The following JMJD1C variants were observed in gnomAD, a reference collection of about 807,000 sequenced individuals.
JMJD1C encodes the protein jumonji domain-containing protein 1C.
Under a neutral mutation model 245.3 loss-of-function variants are expected in JMJD1C, and 31 were observed. The observed-to-expected ratio is 0.13, with a 90% CI of 0.09 to 0.17. JMJD1C has a LOEUF of 0.17. Among genes scored for constraint, JMJD1C ranks in the 10% least tolerant of loss-of-function variants. The pLI is 1.00. For synonymous variants in JMJD1C, 1,057 were observed against 1,017.4 expected (o/e 1.04, Z -0.74); for missense variants, 2,691 against 3,000.2 (o/e 0.90, Z 2.41).
At chr10:63,313,533 A>T (rs1410431565) in intron 2 of JMJD1C, among the ~76,000 whole-genome samples, 1 of 152,184 alleles carries the variant, frequency 6.6e-6, no homozygotes, top group Non-Finnish European at 1.5e-5. Flanking sequence ...TGTCCATATT[A>T]GTCATACTAG....
chr10:63,327,666 G>C (rs925899163), intron 2 of JMJD1C, among the ~76,000 whole-genome samples: 8 of 149,460 alleles, frequency 5.4e-5, no homozygotes, highest in African/African-American at 2.0e-4. Context: ...AGGGTACACA[G>C]AAAAAATTTT....
chr10:63,199,163 T>C (rs1364301159), intron 11 of JMJD1C, among the ~76,000 whole-genome samples: 1 of 152,156 alleles, frequency 6.6e-6, no homozygotes. Flanking sequence ...TATATTTTCA[T>C]TAATTAGACT....
chr10:63,319,076 T>C (rs1454712656), intron 2 of JMJD1C, among the ~76,000 whole-genome samples: 3 of 151,816 alleles, frequency 2.0e-5, no homozygotes, highest in Admixed American at 1.3e-4. Context: ...CTGACTAACA[T>C]GGTGAAACAC....
At chr10:63,459,673 G>A (rs934255058) in intron 1 of JMJD1C, among the ~76,000 whole-genome samples, 2 of 152,070 alleles carry the variant, frequency 1.3e-5, no homozygotes, top group African/African-American at 2.4e-5. Context: ...AGACTCTAAC[G>A]TCTGAACACC....
chr10:63,268,815 C>T, intron 2 of JMJD1C: 3 of 985,720 alleles, frequency 3.0e-6, no homozygotes, highest in Non-Finnish European at 3.6e-6. Flanking sequence ...AGGCAAATGG[C>T]TCTCAAACCA....
At chr10:63,244,307 C>A (rs1417079708) in intron 3 of JMJD1C, among the ~76,000 whole-genome samples, 1 of 152,160 alleles carries the variant, frequency 6.6e-6, no homozygotes, top group East Asian at 1.9e-4. Flanking sequence ...GGACTCCTGG[C>A]ACTCCTGACT....
Position 63,214,042 on chromosome 10 carries a change from C to T in JMJD1C, c.2125G>A (p.Glu709Lys), listed in dbSNP as rs762523419. Residue 709 changes from glutamate to lysine, a missense_variant, in exon 8 of 26, where the codon GAG (glutamate) becomes AAG (lysine). Transcript: ENST00000399262. ...TKSPLIIDKN[E>K]HFTVYRDPAL... ...GGATCTCTGTAAACTGTAAAATGCT[C>T]ATTTTTATCAATGATAAGAGGACTC... 12 of 1,614,050 alleles carry T rather than the reference C, an allele frequency of 7.4e-6. No individual in the cohort carries two copies. In the South Asian group the frequency reaches 7.7e-5, roughly 10 times the overall value.
chr10:63,483,012 C>G (rs1953876908), intron 1 of JMJD1C, among the ~76,000 whole-genome samples: 1 of 152,156 alleles, frequency 6.6e-6, no homozygotes. Context: ...TTTGAAAAAT[C>G]TCCAAATAAC....
At chr10:63,201,295 T>C (rs1029413602) in intron 10 of JMJD1C, among the ~76,000 whole-genome samples, 1 of 152,158 alleles carries the variant, frequency 6.6e-6, no homozygotes, top group Admixed American at 6.5e-5. Flanking sequence ...GATATCAACA[T>C]ACTGATGGTG....
chr10:63,465,443 G>T, intron 1 of JMJD1C, 52 bp downstream of exon 1: 1 of 1,511,028 alleles, frequency 6.6e-7, no homozygotes, highest in East Asian at 2.3e-5. Context: ...GTACGTCTGC[G>T]AGAGCCGGGT....
At chr10:63,437,684 A>G (rs1344692700) in intron 1 of JMJD1C, among the ~76,000 whole-genome samples, 1 of 151,198 alleles carries the variant, frequency 6.6e-6, no homozygotes. Flanking sequence ...TCTCCAATCT[A>G]CTACCTCCAG....
At chr10:63,430,428 A>G (rs1439265311) in intron 1 of JMJD1C, among the ~76,000 whole-genome samples, 1 of 152,258 alleles carries the variant, frequency 6.6e-6, no homozygotes, top group Non-Finnish European at 1.5e-5. Flanking sequence ...AGTTGTCTTA[A>G]CAACATGCTA....
intron 1 of JMJD1C, among the ~76,000 whole-genome samples, chr10:63,395,125 A>G (rs10761751): frequency 0.42 from 63,973 of 151,984 alleles, 14,215 homozygotes; most frequent in South Asian, 0.53. Flanking sequence ...AAAATCATTA[A>G]TAATTAGAGA....
chr10:63,478,341 A>G (rs1194995548), intron 1 of JMJD1C, among the ~76,000 whole-genome samples: 1 of 152,264 alleles, frequency 6.6e-6, no homozygotes, highest in African/African-American at 2.4e-5. Context: ...CCAAATGTAC[A>G]TAGCCGCTTT....
chr10:63,370,182 T>C (rs1240078781), intron 2 of JMJD1C, among the ~76,000 whole-genome samples: 2 of 152,210 alleles, frequency 1.3e-5, no homozygotes, highest in African/African-American at 2.4e-5. Flanking sequence ...TTAATTCGTA[T>C]ACTTTCTCTG....
At chr10:63,382,792 T>C (rs1016749748) in intron 1 of JMJD1C, 1 of 455,870 alleles carries the variant, frequency 2.2e-6, no homozygotes, top group Non-Finnish European at 4.4e-6. Flanking sequence ...CATCTTCTGC[T>C]CCCTTACACC....
chr10:63,182,690 T>C (rs766548601), intron 22 of JMJD1C, among the ~76,000 whole-genome samples: 4 of 152,112 alleles, frequency 2.6e-5, no homozygotes, highest in Non-Finnish European at 5.9e-5. Context: ...CAGAAAGAAA[T>C]TGAGGGCACA....
At chr10:63,475,301 T>C (rs1953625016) in intron 1 of JMJD1C, among the ~76,000 whole-genome samples, 1 of 152,056 alleles carries the variant, frequency 6.6e-6, no homozygotes, top group Non-Finnish European at 1.5e-5. Flanking sequence ...TCTGAATACA[T>C]ACTTCCTAGA....
At chr10:63,260,952 C>A (rs1316316019) in intron 3 of JMJD1C, among the ~76,000 whole-genome samples, 1 of 152,096 alleles carries the variant, frequency 6.6e-6, no homozygotes, top group Non-Finnish European at 1.5e-5. Context: ...TCCTTCTTCC[C>A]AGCTAGCTAA....
Sources: gnomAD v4.1 joint callset for allele counts (sites outside exome capture counted in the v4.1 genomes callset) on GRCh38, gnomAD v4.1.1 for gene constraint, MANE v1.5 for transcripts, NCBI Gene and HGNC (gene_info 2026-07-23, HGNC 2026-07-21) for gene names.